GALNTL6: variants seen among roughly 807,000 people sequenced by gnomAD.
The protein encoded by GALNTL6 is polypeptide N-acetylgalactosaminyltransferase like 6.
Under a neutral mutation model 73.7 loss-of-function variants are expected in GALNTL6, and 46 were observed. The ratio of observed to expected loss-of-function variants is 0.62; its 90% confidence interval spans 0.49 to 0.80. The LOEUF (loss-of-function observed/expected upper bound fraction) is 0.80, where lower values mean the gene tolerates loss of function less well. GALNTL6 is among the 30% of genes least tolerant of loss of function. The pLI is 0.00. For synonymous variants in GALNTL6, 259 were observed against 263.7 expected (o/e 0.98, Z 0.17); for missense variants, 604 against 755.0 (o/e 0.80, Z 2.34).
At chr4:173,021,317 G>A (rs897872301) in intron 11 of GALNTL6, among the ~76,000 whole-genome samples, 159 bp from the exon 12 acceptor site, 5 of 152,228 alleles carry the variant, frequency 3.3e-5, no homozygotes, top group Middle Eastern at 6.8e-3. Context: ...TTTATGACAC[G>A]TGCCTTTTCC....
At chr4:172,208,289 T>G (rs971002809) in intron 2 of GALNTL6, among the ~76,000 whole-genome samples, 1 of 152,196 alleles carries the variant, frequency 6.6e-6, no homozygotes, top group African/African-American at 2.4e-5. Context: ...ACTAAATCAA[T>G]TATTACTGTA....
At chr4:172,365,107 G>T (rs997340834) in intron 5 of GALNTL6, among the ~76,000 whole-genome samples, 19 of 152,180 alleles carry the variant, frequency 1.2e-4, no homozygotes, top group African/African-American at 4.6e-4. Context: ...TCTGAGAGGG[G>T]CTTCTGGCCA....
chr4:172,234,162 T>G (rs28404033), intron 3 of GALNTL6, among the ~76,000 whole-genome samples: 2 of 151,810 alleles, frequency 1.3e-5, no homozygotes, highest in Non-Finnish European at 2.9e-5. Context: ...TTTTGGATTT[T>G]AAAAATGTAG....
chr4:171,904,415 G>A (rs1737205883), intron 2 of GALNTL6, among the ~76,000 whole-genome samples: 1 of 152,132 alleles, frequency 6.6e-6, no homozygotes, highest in Non-Finnish European at 1.5e-5. Context: ...TGAAATGAAT[G>A]AAACAAAGAG....
chr4:172,998,953 A>G (rs1751917643), intron 10 of GALNTL6, among the ~76,000 whole-genome samples: 1 of 151,488 alleles, frequency 6.6e-6, no homozygotes, highest in Non-Finnish European at 1.5e-5. Context: ...GAAGACAGAA[A>G]TCACACCAGT....
At chr4:172,719,019 A>C (rs1735284017) in intron 5 of GALNTL6, among the ~76,000 whole-genome samples, 1 of 152,206 alleles carries the variant, frequency 6.6e-6, no homozygotes, top group Non-Finnish European at 1.5e-5. Context: ...AAATTACAAC[A>C]TCACAATGGG....
At chr4:172,403,724 G>T (rs1026104492) in intron 5 of GALNTL6, among the ~76,000 whole-genome samples, 3 of 151,902 alleles carry the variant, frequency 2.0e-5, no homozygotes, top group African/African-American at 7.2e-5. Context: ...AAAGGAAGAA[G>T]AATTTACATT....
intron 3 of GALNTL6, among the ~76,000 whole-genome samples, chr4:172,251,915 CT>C (rs1293501777): frequency 5.9e-5 from 9 of 152,074 alleles, no homozygotes; most frequent in Admixed American, 5.9e-4. Context: ...TAAAAAAAGA[CT>C]CTCTGGAACT....
At chr4:173,016,444 A>G (rs1374529924) in intron 11 of GALNTL6, among the ~76,000 whole-genome samples, 4 of 152,234 alleles carry the variant, frequency 2.6e-5, no homozygotes, top group Non-Finnish European at 4.4e-5. Flanking sequence ...GTCCAAGGCC[A>G]TGGAAGCCCA....
At chr4:172,309,527 T>C (rs1420811922) in intron 3 of GALNTL6, among the ~76,000 whole-genome samples, 1 of 152,002 alleles carries the variant, frequency 6.6e-6, no homozygotes. Flanking sequence ...CTCAAGCACA[T>C]ACACACACAA....
chr4:173,037,238 C>T (rs1475705351), intron 12 of GALNTL6, among the ~76,000 whole-genome samples: 2 of 152,182 alleles, frequency 1.3e-5, no homozygotes, highest in Non-Finnish European at 2.9e-5. Flanking sequence ...TAGTTTGACA[C>T]CTCGTCATTT....
chr4:172,236,240 A>G (rs898880161), intron 3 of GALNTL6, among the ~76,000 whole-genome samples: 2 of 151,988 alleles, frequency 1.3e-5, no homozygotes, highest in African/African-American at 2.4e-5. Context: ...AAATTCAGAA[A>G]CTCCTTCCCA....
chr4:171,894,833 A>G (rs1279505798), intron 2 of GALNTL6, among the ~76,000 whole-genome samples: 1 of 152,124 alleles, frequency 6.6e-6, no homozygotes, highest in Non-Finnish European at 1.5e-5. Context: ...ATGTCTGGCA[A>G]AGACTGACTT....
chr4:172,969,967 G>A (rs1176611202), intron 10 of GALNTL6, among the ~76,000 whole-genome samples: 4 of 152,196 alleles, frequency 2.6e-5, no homozygotes, highest in Non-Finnish European at 5.9e-5. Flanking sequence ...GAATTTTACA[G>A]CTGGGCAGCC....
At chr4:172,762,014 G>A (rs1485806730) in intron 5 of GALNTL6, among the ~76,000 whole-genome samples, 2 of 152,150 alleles carry the variant, frequency 1.3e-5, no homozygotes, top group Admixed American at 1.3e-4. Flanking sequence ...ACCAGGGACT[G>A]TAAACTGCGC....
At chr4:172,072,265 G>A (rs1225601791) in intron 2 of GALNTL6, among the ~76,000 whole-genome samples, 1 of 151,538 alleles carries the variant, frequency 6.6e-6, no homozygotes, top group Non-Finnish European at 1.5e-5. Flanking sequence ...TAACCAATAT[G>A]TTTGACTCTT....
chr4:172,213,944 AT>A (rs1736411718), intron 2 of GALNTL6, among the ~76,000 whole-genome samples: 1 of 151,748 alleles, frequency 6.6e-6, no homozygotes, highest in Admixed American at 6.6e-5. Flanking sequence ...TAGGTGTTTG[AT>A]TTATTTTGGA....
At chr4:171,924,006 T>C (rs1311329881) in intron 2 of GALNTL6, among the ~76,000 whole-genome samples, 1 of 151,926 alleles carries the variant, frequency 6.6e-6, no homozygotes, top group Non-Finnish European at 1.5e-5. Flanking sequence ...CTAAAGTAAA[T>C]ACAACAAAAT....
intron 5 of GALNTL6, among the ~76,000 whole-genome samples, chr4:172,474,906 G>A (rs1348313460): frequency 6.6e-6 from 1 of 152,016 alleles, no homozygotes; most frequent in Non-Finnish European, 1.5e-5. Context: ...AAAACTTATT[G>A]CCTCTACCAA....
Sources: allele counts gnomAD v4.1 joint callset (sites outside exome capture counted in the v4.1 genomes callset), GRCh38; gene constraint gnomAD v4.1.1; transcripts MANE v1.5; gene names NCBI Gene and HGNC (gene_info 2026-07-23, HGNC 2026-07-21).